Variants in NAALADL2 observed in about 807,000 individuals in gnomAD.
NAALADL2 encodes the protein inactive N-acetylated-alpha-linked acidic dipeptidase-like protein 2.
In NAALADL2, 76 loss-of-function variants were observed where a neutral mutation model predicts 87.2. The observed-to-expected ratio is 0.87, with a 90% CI of 0.72 to 1.05. The LOEUF is 1.05. Ranked by LOEUF, NAALADL2 falls within the 50% of genes least tolerant of loss-of-function variation. The pLI is 0.00. For missense variants in NAALADL2, 1,089 were observed against 945.8 expected (o/e 1.15, Z -1.99); for synonymous variants, 354 against 331.0 (o/e 1.07, Z -0.75).
intron 12 of NAALADL2, among the ~76,000 whole-genome samples, chr3:175,738,969 G>A (rs1183073468): frequency 1.3e-5 from 2 of 151,996 alleles, no homozygotes; most frequent in Non-Finnish European, 2.9e-5. Context: ...CTGTTTTGCT[G>A]TTTCTTTAGT....
chr3:175,053,878 C>T (rs776587453), intron 1 of NAALADL2, among the ~76,000 whole-genome samples: 10 of 152,210 alleles, frequency 6.6e-5, no homozygotes, highest in Non-Finnish European at 1.5e-4. Flanking sequence ...GAAAATGTCT[C>T]GCATTAGATA....
intron 9 of NAALADL2, among the ~76,000 whole-genome samples, chr3:175,532,061 G>A (rs1734161924): frequency 6.6e-6 from 1 of 152,194 alleles, no homozygotes; most frequent in Admixed American, 6.5e-5. Flanking sequence ...GAGCAAATGT[G>A]GGGATTCTGC....
At chr3:174,557,184 C>T (rs771482792) in intron 2 of NAALADL2, among the ~76,000 whole-genome samples, 30 of 152,006 alleles carry the variant, frequency 2.0e-4, no homozygotes, top group Admixed American at 4.6e-4. Flanking sequence ...CATTCTGTTT[C>T]GGCCTTTTTA....
At chr3:175,532,650 T>C (rs998782097) in intron 9 of NAALADL2, among the ~76,000 whole-genome samples, 1 of 152,228 alleles carries the variant, frequency 6.6e-6, no homozygotes, top group African/African-American at 2.4e-5. Flanking sequence ...AGTCAGACTA[T>C]ACCAATTGCT....
chr3:175,422,855 G>A (rs1187513560), intron 5 of NAALADL2, among the ~76,000 whole-genome samples: 2 of 151,214 alleles, frequency 1.3e-5, no homozygotes, highest in Non-Finnish European at 2.9e-5. Flanking sequence ...TTATCCAAAG[G>A]AAAAATACGT....
intron 13 of NAALADL2, among the ~76,000 whole-genome samples, chr3:175,769,726 A>ATG (rs59250890): frequency 0.43 from 64,328 of 151,232 alleles, 17,552 homozygotes; most frequent in African/African-American, 0.78. Flanking sequence ...ATGTGTGTGC[A>ATG]TGTGTGTGTG....
At chr3:175,335,573 C>T (rs1265778455) in intron 5 of NAALADL2, among the ~76,000 whole-genome samples, 2 of 152,134 alleles carry the variant, frequency 1.3e-5, no homozygotes, top group Non-Finnish European at 2.9e-5. Flanking sequence ...TAAATATTTT[C>T]TATTTTTAGA....
At chr3:175,498,803 C>T (rs1229936320) in intron 9 of NAALADL2, among the ~76,000 whole-genome samples, 1 of 152,052 alleles carries the variant, frequency 6.6e-6, no homozygotes, top group African/African-American at 2.4e-5. Flanking sequence ...CACAGTACCC[C>T]AGAATGTGAC....
chr3:175,548,314 A>G (rs1713732150), intron 9 of NAALADL2, among the ~76,000 whole-genome samples: 1 of 152,104 alleles, frequency 6.6e-6, no homozygotes, highest in Admixed American at 6.5e-5. Flanking sequence ...AAAACTAAAT[A>G]CCACATGTTC....
intron 1 of NAALADL2, among the ~76,000 whole-genome samples, chr3:174,543,008 A>C (rs6784862): frequency 0.55 from 83,329 of 151,946 alleles, 25,181 homozygotes; most frequent in East Asian, 0.85. Flanking sequence ...AAATAGAAAA[A>C]TTTGTGGGAT....
At chr3:175,667,274 G>T (rs1733322115) in intron 11 of NAALADL2, among the ~76,000 whole-genome samples, 1 of 149,714 alleles carries the variant, frequency 6.7e-6, no homozygotes, top group African/African-American at 2.5e-5. Flanking sequence ...AGGAAGGAAG[G>T]GATGGGGATC....
At chr3:175,748,449 T>C (rs1430285535) in intron 12 of NAALADL2, among the ~76,000 whole-genome samples, 1 of 152,222 alleles carries the variant, frequency 6.6e-6, no homozygotes, top group Admixed American at 6.5e-5. Context: ...TCTTCTACTC[T>C]TTTAACCACT....
In NAALADL2 at chr3:175,803,011, C is replaced by T; in HGVS notation, c.2196C>T (p.Ile732=). 1 of 1,608,174 alleles carries T rather than the reference C, an allele frequency of 6.2e-7. No homozygotes were observed. The highest frequency in any genetic ancestry group is 8.5e-7 in the Non-Finnish European group (1 of 1,175,638). Residue 732 remains isoleucine (I), a synonymous_variant, in exon 14 of 14, where the codon ATC becomes ATT. Coordinates refer to ENST00000454872, the MANE Select transcript of NAALADL2 (RefSeq NM_207015.3). Reference sequence around the variant, plus strand: ...ATTTTGTATTTCTTTTCAGAAACATCCTCTACCACCTTGATGAAAAGACAA... The same window carrying T: ...ATTTTGTATTTCTTTTCAGAAACATTCTCTACCACCTTGATGAAAAGACAA... ...KQAPPGFYRN[I]LYHLDEKTSR...
chr3:174,575,075 T>C (rs1030927531), intron 2 of NAALADL2, among the ~76,000 whole-genome samples: 5 of 152,102 alleles, frequency 3.3e-5, no homozygotes, highest in African/African-American at 1.2e-4. Context: ...TATTTAACTT[T>C]TTAAGAAACT....
At chr3:174,695,539 A>G (rs1249353345) in intron 2 of NAALADL2, among the ~76,000 whole-genome samples, 1 of 152,078 alleles carries the variant, frequency 6.6e-6, no homozygotes, top group Non-Finnish European at 1.5e-5. Context: ...AATATTTTAA[A>G]TTTTATATCA....
chr3:174,784,112 C>T (rs927201003), intron 3 of NAALADL2, among the ~76,000 whole-genome samples: 4 of 152,054 alleles, frequency 2.6e-5, no homozygotes, highest in Admixed American at 6.6e-5. Flanking sequence ...TAAATCACTG[C>T]GCATCTAATC....
chr3:174,699,851 T>TC (rs1729388014), intron 2 of NAALADL2, among the ~76,000 whole-genome samples: 1 of 151,674 alleles, frequency 6.6e-6, no homozygotes, highest in Admixed American at 6.6e-5. Flanking sequence ...TTTTTTTTTT[T>TC]TTGAGAAGAT....
At chr3:175,378,756 G>C (rs958090449) in intron 5 of NAALADL2, among the ~76,000 whole-genome samples, 1 of 152,074 alleles carries the variant, frequency 6.6e-6, no homozygotes, top group Admixed American at 6.6e-5. Flanking sequence ...CCTCATTTCA[G>C]GATTCAAAAC....
chr3:174,736,709 C>T (rs950823036), intron 2 of NAALADL2, among the ~76,000 whole-genome samples: 4 of 152,150 alleles, frequency 2.6e-5, no homozygotes, highest in African/African-American at 9.7e-5. Context: ...CCATTCTGGT[C>T]CATCAGCCCA....
Sources: allele counts gnomAD v4.1 joint callset (sites outside exome capture counted in the v4.1 genomes callset), GRCh38; gene constraint gnomAD v4.1.1; transcripts MANE v1.5; gene names NCBI Gene and HGNC (gene_info 2026-07-23, HGNC 2026-07-21).